The following DSCAM variants were observed in gnomAD, a reference collection of about 807,000 sequenced individuals.
The protein encoded by DSCAM is DS cell adhesion molecule, also known as cell adhesion molecule DSCAM.
Under a neutral mutation model 217.7 loss-of-function variants are expected in DSCAM, and 47 were observed. The observed-to-expected ratio is 0.22, with a 90% confidence interval of 0.17 to 0.28. DSCAM has a LOEUF of 0.28. Ranked by LOEUF, DSCAM falls within the 10% of genes least tolerant of loss-of-function variation. The pLI is 1.00. For synonymous variants in DSCAM, 1,056 were observed against 1,015.3 expected, an observed-to-expected ratio of 1.04 and a Z score of -0.76; for missense variants, 2,080 against 2,618.3, an observed-to-expected ratio of 0.79 and a Z score of 4.49.
At chr21:40,499,262 A>T (rs2076153409) in intron 3 of DSCAM, among the ~76,000 whole-genome samples, 1 of 152,210 alleles carries the variant, frequency 6.6e-6, no homozygotes, top group African/African-American at 2.4e-5. Context: ...TCAAATATCT[A>T]GACAGCTATT....
intron 3 of DSCAM, among the ~76,000 whole-genome samples, chr21:40,615,058 C>G (rs1055864722): frequency 1.3e-5 from 2 of 151,726 alleles, no homozygotes; most frequent in South Asian, 4.2e-4. Context: ...AATCCCAACA[C>G]TTTGGGAGGC....
At chr21:40,362,019 G>A (rs1041806603) in intron 4 of DSCAM, among the ~76,000 whole-genome samples, 9 of 151,878 alleles carry the variant, frequency 5.9e-5, no homozygotes, top group Admixed American at 2.0e-4. Context: ...GAGAACATGC[G>A]GTGTTTGGTT....
Position 40,320,305 on chromosome 21 carries a change from A to G in DSCAM, c.1784-7946T>C, listed in dbSNP as rs527941492. 4.6e-5 allele frequency among the ~76,000 whole-genome samples: 7 copies of G among 152,252 alleles called. No homozygotes were observed. In the South Asian group the frequency reaches 1.4e-3, roughly 32 times the overall value. ...TTTAAACAGTGGATTGAATTATTTT[A>G]TTTCCTGGTATTATTTCATAATGCA... On this transcript the variant is annotated intron_variant, in intron 8 of 32. Coordinates refer to ENST00000400454, the MANE Select transcript of DSCAM (RefSeq NM_001389.5).
intron 32 of DSCAM, among the ~76,000 whole-genome samples, chr21:40,014,553 C>G (rs1164003022): frequency 6.6e-6 from 1 of 152,176 alleles, no homozygotes; most frequent in African/African-American, 2.4e-5. Flanking sequence ...TGCAGGATCT[C>G]CCTAACAGGC....
chr21:40,505,239 CA>C (rs2076201122), intron 3 of DSCAM, among the ~76,000 whole-genome samples: 1 of 152,200 alleles, frequency 6.6e-6, no homozygotes, highest in African/African-American at 2.4e-5. Context: ...CAGCTGGGTT[CA>C]AAAACTGCCA....
chr21:40,656,842 G>A (rs1238696607), intron 3 of DSCAM, among the ~76,000 whole-genome samples: 2 of 152,208 alleles, frequency 1.3e-5, no homozygotes, highest in Non-Finnish European at 2.9e-5. Context: ...TGATGCTGGA[G>A]TGTATCTTAT....
At chr21:40,153,433 G>A (rs564860589) in intron 16 of DSCAM, among the ~76,000 whole-genome samples, 2 of 152,272 alleles carry the variant, frequency 1.3e-5, no homozygotes, top group South Asian at 2.1e-4. Flanking sequence ...CAATGCTGTC[G>A]CCAAAGCAAT....
chr21:40,524,437 T>A (rs1161539814), intron 3 of DSCAM, among the ~76,000 whole-genome samples: 1 of 152,144 alleles, frequency 6.6e-6, no homozygotes, highest in African/African-American at 2.4e-5. Context: ...AAAGGTTGAA[T>A]AGAAAAAGTT....
rs147362745 is a variant in DSCAM, at chr21:40,313,747, T to C, written c.1784-1388A>G. On this transcript the variant is annotated intron_variant, in intron 8 of 32. Coordinates refer to ENST00000400454, the MANE Select transcript of DSCAM (RefSeq NM_001389.5). ...ATATAACTAATATCAGAGCCTGTAA[T>C]GTAAGCCTTTTTTGTGTTTTTGCAT... Among the ~76,000 whole-genome samples the C allele has an allele frequency of 7.6e-4, 116 of 152,306 alleles. 1 individual carries two copies. Among genetic ancestry groups the C allele is most frequent in the Middle Eastern group, 3.4e-3 (1 of 294 alleles).
At chr21:40,555,528 A>G (rs2076664022) in intron 3 of DSCAM, among the ~76,000 whole-genome samples, 1 of 152,204 alleles carries the variant, frequency 6.6e-6, no homozygotes, top group South Asian at 2.1e-4. Context: ...CCCACATTAT[A>G]TTGTATTTAA....
At chr21:40,092,720 T>C (rs1346331969) in intron 21 of DSCAM, among the ~76,000 whole-genome samples, 2 of 152,196 alleles carry the variant, frequency 1.3e-5, no homozygotes, top group African/African-American at 4.8e-5. Context: ...ATGTCCAACA[T>C]TTTCCTTGGT....
chr21:40,584,809 T>C (rs1221364528), intron 3 of DSCAM, among the ~76,000 whole-genome samples: 1 of 152,190 alleles, frequency 6.6e-6, no homozygotes, highest in Admixed American at 6.5e-5. Flanking sequence ...ACAAGAACAC[T>C]GATACAGTTT....
At chr21:40,145,699 G>C (rs2090346962) in intron 16 of DSCAM, among the ~76,000 whole-genome samples, 1 of 152,006 alleles carries the variant, frequency 6.6e-6, no homozygotes, top group Non-Finnish European at 1.5e-5. Context: ...ACAAAAATTA[G>C]CCAGGCATGG....
At chr21:40,318,784 G>A (rs1159366319) in intron 8 of DSCAM, among the ~76,000 whole-genome samples, 1 of 152,170 alleles carries the variant, frequency 6.6e-6, no homozygotes, top group Non-Finnish European at 1.5e-5. Context: ...GAGGCTGCGT[G>A]GGTCACATCA....
intron 3 of DSCAM, among the ~76,000 whole-genome samples, chr21:40,469,762 G>T (rs1404618318): frequency 6.6e-6 from 1 of 152,108 alleles, no homozygotes. Flanking sequence ...AATAATGAGA[G>T]TGATTTCTTC....
At chr21:40,388,333 C>A (rs928217856) in intron 3 of DSCAM, among the ~76,000 whole-genome samples, 2 of 151,816 alleles carry the variant, frequency 1.3e-5, no homozygotes, top group Admixed American at 1.3e-4. Context: ...AAGTTAGATG[C>A]CTCTAGAACA....
intron 1 of DSCAM, among the ~76,000 whole-genome samples, chr21:40,717,647 T>G (rs1569000196): frequency 6.6e-6 from 1 of 152,196 alleles, no homozygotes; most frequent in Non-Finnish European, 1.5e-5. Context: ...AGTGGCTTAC[T>G]TATGGTTAGG....
chr21:40,294,669 T>A (rs1432585748), intron 10 of DSCAM, among the ~76,000 whole-genome samples: 3 of 152,194 alleles, frequency 2.0e-5, no homozygotes, highest in Non-Finnish European at 4.4e-5. Flanking sequence ...TTAAAAATAA[T>A]GTTGAAGAAG....
At chr21:40,226,555 G>A (rs753664405) in intron 11 of DSCAM, among the ~76,000 whole-genome samples, 3 of 152,078 alleles carry the variant, frequency 2.0e-5, no homozygotes, top group Admixed American at 1.3e-4. Flanking sequence ...GAGGAGGCCT[G>A]GTGGCAACAA....
Sources: gnomAD v4.1 joint callset for allele counts (sites outside exome capture counted in the v4.1 genomes callset) on GRCh38, gnomAD v4.1.1 for gene constraint, MANE v1.5 for transcripts, NCBI Gene and HGNC (gene_info 2026-07-23, HGNC 2026-07-21) for gene names.